Variants in CNTNAP4 observed in about 807,000 individuals in gnomAD.
CNTNAP4 encodes the protein contactin-associated protein-like 4.
In CNTNAP4, 98 loss-of-function variants were observed where a neutral mutation model predicts 148.4. The ratio of observed to expected loss-of-function variants is 0.66; its 90% CI spans 0.56 to 0.78. The LOEUF is 0.78. CNTNAP4 is among the 30% of genes least tolerant of loss of function. CNTNAP4 has a pLI of 0.00. For synonymous variants in CNTNAP4, 730 were observed against 565.1 expected, an observed-to-expected ratio of 1.29 and a Z score of -4.14; for missense variants, 1,935 against 1,565.6, an observed-to-expected ratio of 1.24 and a Z score of -3.98.
intron 23 of CNTNAP4, chr16:76,557,534 T>C (rs546302335): frequency 6.6e-6 from 1 of 152,338 alleles, no homozygotes; most frequent in East Asian, 1.9e-4. Flanking sequence ...TTTAATTAAA[T>C]GAAGAGTTTT....
At chr16:76,451,599 A>ATGTGTATGTGTG (rs1555561284) in intron 7 of CNTNAP4, among the ~76,000 whole-genome samples, 1 of 141,258 alleles carries the variant, frequency 7.1e-6, no homozygotes, top group East Asian at 2.1e-4. Flanking sequence ...TTTTAGATAG[A>ATGTGTATGTGTG]TGTGTGTGTG....
intron 2 of CNTNAP4, among the ~76,000 whole-genome samples, chr16:76,333,085 A>G (rs968325395): frequency 5.9e-5 from 9 of 152,150 alleles, no homozygotes; most frequent in Non-Finnish European, 1.5e-5. Context: ...TTGTAAGGAT[A>G]AGGTTTGTTT....
chr16:76,352,365 C>T (rs2011925150), intron 2 of CNTNAP4, among the ~76,000 whole-genome samples: 1 of 152,164 alleles, frequency 6.6e-6, no homozygotes, highest in African/African-American at 2.4e-5. Context: ...TTGTAAACTA[C>T]AGGGAGGGAA....
intron 3 of CNTNAP4, among the ~76,000 whole-genome samples, chr16:76,386,707 T>A (rs139454628): frequency 9.2e-5 from 14 of 152,294 alleles, no homozygotes; most frequent in African/African-American, 3.1e-4. Context: ...AGATGTTCAC[T>A]ACCTTAACGT....
chr16:76,430,074 C>T (rs903152607), intron 4 of CNTNAP4, among the ~76,000 whole-genome samples: 1 of 152,140 alleles, frequency 6.6e-6, no homozygotes, highest in Non-Finnish European at 1.5e-5. Context: ...TGTATTTGAT[C>T]AAATTGGCTT....
At chr16:76,306,108 T>C (rs558929852) in intron 1 of CNTNAP4, among the ~76,000 whole-genome samples, 1 of 152,270 alleles carries the variant, frequency 6.6e-6, no homozygotes, top group Non-Finnish European at 1.5e-5. Flanking sequence ...CTGAACAGTA[T>C]GGTGATGAAT....
intron 23 of CNTNAP4, among the ~76,000 whole-genome samples, chr16:76,555,453 A>G (rs2085156471): frequency 6.6e-6 from 1 of 152,264 alleles, no homozygotes; most frequent in Admixed American, 6.5e-5. Flanking sequence ...TTAAAGCTAT[A>G]GTATTTACAA....
intron 2 of CNTNAP4, among the ~76,000 whole-genome samples, chr16:76,343,756 A>G (rs899921406): frequency 1.3e-5 from 2 of 151,158 alleles, no homozygotes; most frequent in Non-Finnish European, 2.9e-5. Context: ...TTTTTGTCTG[A>G]TGAGGTAAAG....
At position 76,535,614 on chromosome 16, in the gene CNTNAP4, T is replaced by C. The variant is rs2084180983; in HGVS notation, c.2825T>C (p.Leu942Pro). The C allele has an allele frequency of 1.9e-6, 3 of 1,613,698 alleles. No individual in the cohort carries two copies. Among genetic ancestry groups the C allele is most frequent in the Non-Finnish European group, 2.5e-6 (3 of 1,180,024 alleles). ...TCTCTGCAGTTGAATGGGATGACCC[T>C]GGATTTGGAAGAAAGAGCCCAGGTG... is the stretch of plus-strand genomic sequence containing the variant. Reference protein sequence around the residue: ...IRSLQLNGMTLDLEERAQVTP... With the variant: ...IRSLQLNGMTPDLEERAQVTP... Residue 942 changes from leucine (L) to proline (P), a missense_variant, in exon 18 of 24, where the codon CTG becomes CCG. Transcript: ENST00000611870.
At chr16:76,369,988 A>G (rs549544747) in intron 3 of CNTNAP4, among the ~76,000 whole-genome samples, 6 of 152,310 alleles carry the variant, frequency 3.9e-5, no homozygotes, top group South Asian at 2.1e-4. Flanking sequence ...TTCAAATGCA[A>G]TCTCTTCTGG....
intron 3 of CNTNAP4, among the ~76,000 whole-genome samples, chr16:76,381,836 GGATCACGA>G (rs2015998456): frequency 6.6e-6 from 1 of 152,128 alleles, no homozygotes; most frequent in Non-Finnish European, 1.5e-5. Context: ...CAAGGTGGAT[GGATCACGA>G]GATCAGGAGA....
intron 2 of CNTNAP4, among the ~76,000 whole-genome samples, chr16:76,321,523 C>A (rs1322082156): frequency 6.6e-6 from 1 of 152,160 alleles, no homozygotes; most frequent in Non-Finnish European, 1.5e-5. Context: ...GGTGCAGTGG[C>A]TCATGCTTGT....
At position 76,507,696 on chromosome 16, in the gene CNTNAP4, C is replaced by A. The variant is rs1283138691; in HGVS notation, c.2365+9002C>A. On this transcript the variant is annotated intron_variant, in intron 15 of 23. Coordinates refer to ENST00000611870, the MANE Select transcript of CNTNAP4 (RefSeq NM_033401.5). The stretch of plus-strand genomic sequence containing the variant: ...CATAGGGCCTGCCCAAGTGTTCTAA[C>A]TGTAGTTGCAGTATGTTCAGAACCA... 3.1e-5 allele frequency among the ~76,000 whole-genome samples: 3 copies of A among 97,960 alleles called. 1 individual carries two copies. Among genetic ancestry groups the A allele is most frequent in the Admixed American group, 2.0e-4 (2 of 10,048 alleles). The allele number at this position is 97,960 out of a possible 152,430, so 64.3% of individuals were successfully genotyped here.
intron 3 of CNTNAP4, among the ~76,000 whole-genome samples, chr16:76,422,714 C>G (rs1191128738): frequency 2.0e-5 from 3 of 151,456 alleles, no homozygotes. Context: ...CTATAATTTT[C>G]ATTTTCCTCA....
intron 15 of CNTNAP4, among the ~76,000 whole-genome samples, chr16:76,510,929 T>C (rs1236457484): frequency 6.6e-6 from 1 of 152,120 alleles, no homozygotes; most frequent in Non-Finnish European, 1.5e-5. Context: ...TGTATGTGAC[T>C]TGCTTTTTCT....
At chr16:76,504,351 G>C (rs926708076) in intron 15 of CNTNAP4, among the ~76,000 whole-genome samples, 1 of 151,616 alleles carries the variant, frequency 6.6e-6, no homozygotes, top group East Asian at 1.9e-4. Context: ...ATGATGAAAG[G>C]ATAGAATTTT....
chr16:76,545,489 G>C (rs1047458072), intron 21 of CNTNAP4, among the ~76,000 whole-genome samples: 1 of 152,146 alleles, frequency 6.6e-6, no homozygotes, highest in African/African-American at 2.4e-5. Flanking sequence ...GGTGGTCCCC[G>C]TGGAGTGGGC....
At chr16:76,386,069 G>A (rs982972166) in intron 3 of CNTNAP4, among the ~76,000 whole-genome samples, 92 of 152,308 alleles carry the variant, frequency 6.0e-4, no homozygotes, top group African/African-American at 1.9e-3. Flanking sequence ...AAGCAGGTAC[G>A]TTGGGCAGCC....
At chr16:76,530,888 GGGTTGAC>G (rs2083952821) in intron 17 of CNTNAP4, among the ~76,000 whole-genome samples, 2 of 152,190 alleles carry the variant, frequency 1.3e-5, no homozygotes, top group Admixed American at 1.3e-4. Flanking sequence ...GAAGCGAACA[GGGTTGAC>G]GGTCCAATGC....
Sources: gnomAD v4.1 joint callset for allele counts (sites outside exome capture counted in the v4.1 genomes callset) on GRCh38, gnomAD v4.1.1 for gene constraint, MANE v1.5 for transcripts, NCBI Gene and HGNC (gene_info 2026-07-23, HGNC 2026-07-21) for gene names.